SLC25A21: variants seen among roughly 807,000 people sequenced by gnomAD.
The protein encoded by SLC25A21 is solute carrier family 25 member 21.
Under a neutral mutation model 43.8 loss-of-function variants are expected in SLC25A21, and 47 were observed. That is an observed-to-expected ratio of 1.07 (90% confidence interval 0.85 to 1.37). SLC25A21 has a LOEUF of 1.37. Ranked by LOEUF, SLC25A21 falls within the 40% of genes most tolerant of loss-of-function variation. SLC25A21 has a pLI of 0.00. For synonymous variants in SLC25A21, 131 were observed against 121.3 expected (o/e 1.08, Z -0.52); for missense variants, 352 against 350.2 (o/e 1.00, Z -0.04).
intron 3 of SLC25A21, among the ~76,000 whole-genome samples, chr14:36,772,838 G>A (rs1778102336): frequency 6.6e-6 from 1 of 152,164 alleles, no homozygotes; most frequent in South Asian, 2.1e-4. Flanking sequence ...GTTGCTGTTG[G>A]GAATGGTAAC....
intron 1 of SLC25A21, among the ~76,000 whole-genome samples, chr14:36,997,583 C>T (rs1288592366): frequency 6.6e-6 from 1 of 152,122 alleles, no homozygotes; most frequent in Non-Finnish European, 1.5e-5. Flanking sequence ...AATCCCAGCA[C>T]TTTGGGAAGC....
intron 2 of SLC25A21, chr14:36,828,472 G>A (rs1234580632): frequency 6.6e-6 from 1 of 152,136 alleles, no homozygotes; most frequent in Non-Finnish European, 1.5e-5. Context: ...CTCACAAGAT[G>A]GAAGCAGAGG....
intron 6 of SLC25A21, among the ~76,000 whole-genome samples, chr14:36,712,948 G>A (rs1247076599): frequency 6.6e-6 from 1 of 152,146 alleles, no homozygotes; most frequent in African/African-American, 2.4e-5. Context: ...GAAAGACCCT[G>A]GAAGTGCTGA....
At chr14:36,753,450 T>G (rs1044391999) in intron 3 of SLC25A21, among the ~76,000 whole-genome samples, 58 of 152,112 alleles carry the variant, frequency 3.8e-4, no homozygotes, top group African/African-American at 1.3e-3. Context: ...AATGGAGAGT[T>G]TGGGGAACAT....
At chr14:37,156,465 T>C (rs1963852181) in intron 1 of SLC25A21, among the ~76,000 whole-genome samples, 1 of 152,058 alleles carries the variant, frequency 6.6e-6, no homozygotes. Flanking sequence ...ATAATCCACA[T>C]AAATGATACA....
At chr14:37,142,890 A>G (rs890410516) in intron 1 of SLC25A21, among the ~76,000 whole-genome samples, 3 of 152,222 alleles carry the variant, frequency 2.0e-5, no homozygotes, top group African/African-American at 7.2e-5. Context: ...GGACACAGGA[A>G]GGAACAATGA....
intron 1 of SLC25A21, among the ~76,000 whole-genome samples, chr14:37,045,223 T>C (rs1961562550): frequency 6.6e-6 from 1 of 152,222 alleles, no homozygotes; most frequent in African/African-American, 2.4e-5. Flanking sequence ...ACTCTCTATG[T>C]TGTAAATTTC....
intron 1 of SLC25A21, among the ~76,000 whole-genome samples, chr14:37,157,761 T>G (rs1045038455): frequency 2.6e-5 from 4 of 151,622 alleles, no homozygotes; most frequent in Non-Finnish European, 4.4e-5. Flanking sequence ...CTAAATGAAA[T>G]AGAGACAAAG....
At chr14:37,120,357 C>T (rs1189070919) in intron 1 of SLC25A21, among the ~76,000 whole-genome samples, 3 of 152,130 alleles carry the variant, frequency 2.0e-5, no homozygotes, top group Admixed American at 6.6e-5. Context: ...TGAAAGAATA[C>T]GTCTTACAAA....
chr14:36,982,884 C>T (rs1035774153), intron 1 of SLC25A21, among the ~76,000 whole-genome samples: 8 of 151,964 alleles, frequency 5.3e-5, no homozygotes, highest in Non-Finnish European at 7.4e-5. Flanking sequence ...TAAATAATAT[C>T]CCTCTTCAAG....
At chr14:37,045,054 G>C (rs187354769) in intron 1 of SLC25A21, among the ~76,000 whole-genome samples, 2 of 152,184 alleles carry the variant, frequency 1.3e-5, no homozygotes, top group African/African-American at 4.8e-5. Context: ...TCCCACCCAT[G>C]CTCCTTCTAA....
chr14:36,734,702 C>T (rs1884963415), intron 3 of SLC25A21, 129 bp from the exon 4 acceptor site: 2 of 669,068 alleles, frequency 3.0e-6, no homozygotes, highest in South Asian at 2.1e-5. Flanking sequence ...GTCTTCCTTT[C>T]ATTCTAAAAT....
At chr14:37,076,640 C>G (rs141417934) in intron 1 of SLC25A21, among the ~76,000 whole-genome samples, 2 of 152,120 alleles carry the variant, frequency 1.3e-5, no homozygotes, top group Non-Finnish European at 2.9e-5. Flanking sequence ...AGGCGCCTGA[C>G]AGCATGCCCG....
In SLC25A21 at chr14:36,678,775, C is replaced by CTAA; in HGVS notation, c.*1880_*1882dup. ...TTCTGGTTCTTGTATTTTAAAAAATCTAATATTAATGGTATTGAAGTTTCC... is the reference window on the plus strand; with the variant it reads ...TTCTGGTTCTTGTATTTTAAAAAATCTAATAATATTAATGGTATTGAAGTTTCC... On this transcript the variant is annotated 3_prime_UTR_variant, in exon 10 of 10. Transcript: ENST00000331299. 9.4e-7 allele frequency: 1 copy of CTAA among 1,068,642 alleles called. No homozygotes were observed. Among genetic ancestry groups the CTAA allele is most frequent in the Non-Finnish European group, 1.1e-6 (1 of 874,020 alleles). 66.2% of individuals were successfully genotyped at this position (1,068,642 alleles called of 1,614,324 possible).
chr14:36,881,801 C>T (rs938133974), intron 1 of SLC25A21, among the ~76,000 whole-genome samples: 2 of 152,156 alleles, frequency 1.3e-5, no homozygotes, highest in African/African-American at 4.8e-5. Flanking sequence ...TTGCAATGGG[C>T]TTTAGTAACC....
At chr14:37,127,613 A>T (rs904116814) in intron 1 of SLC25A21, among the ~76,000 whole-genome samples, 4 of 152,128 alleles carry the variant, frequency 2.6e-5, no homozygotes, top group African/African-American at 9.7e-5. Flanking sequence ...GTTCTTTCTT[A>T]CTTGTATAAG....
At chr14:37,031,242 A>T (rs1961204229) in intron 1 of SLC25A21, among the ~76,000 whole-genome samples, 1 of 152,230 alleles carries the variant, frequency 6.6e-6, no homozygotes, top group Admixed American at 6.5e-5. Flanking sequence ...TGTTCAAACA[A>T]TCACACAGTT....
chr14:36,788,210 G>A (rs1159939371), intron 3 of SLC25A21, among the ~76,000 whole-genome samples: 4 of 151,990 alleles, frequency 2.6e-5, no homozygotes, highest in Non-Finnish European at 5.9e-5. Flanking sequence ...CCTGATAGAC[G>A]ACAAATACTA....
intron 3 of SLC25A21, among the ~76,000 whole-genome samples, chr14:36,742,366 T>A (rs929666494): frequency 6.6e-6 from 1 of 152,202 alleles, no homozygotes; most frequent in African/African-American, 2.4e-5. Context: ...CATTGTTTGA[T>A]GGATCGTGTA....
Sources: allele counts gnomAD v4.1 joint callset (sites outside exome capture counted in the v4.1 genomes callset), GRCh38; gene constraint gnomAD v4.1.1; transcripts MANE v1.5; gene names NCBI Gene and HGNC (gene_info 2026-07-23, HGNC 2026-07-21).